The following MYO16 variants were observed in gnomAD, a reference collection of about 807,000 sequenced individuals.
The protein encoded by MYO16 is myosin XVI, also known as unconventional myosin-XVI.
A neutral mutation model predicts 205.3 loss-of-function variants in MYO16; 94 were observed. The ratio of observed to expected loss-of-function variants is 0.46; its 90% CI spans 0.39 to 0.54. The LOEUF is 0.54. Ranked by LOEUF, MYO16 falls within the 20% of genes least tolerant of loss-of-function variation. MYO16 has a pLI of 0.00. For synonymous variants in MYO16, 988 were observed against 954.0 expected (o/e 1.04, Z -0.66); for missense variants, 2,315 against 2,387.5 (o/e 0.97, Z 0.63).
At chr13:108,497,963 T>G in the MYO16 span, among the ~76,000 whole-genome samples, 1 of 152,212 alleles carries the variant, frequency 6.6e-6, no homozygotes, top group Admixed American at 6.5e-5. Context: ...ATCTGTTGGG[T>G]GAAGCCACAA....
intron 11 of MYO16, among the ~76,000 whole-genome samples, chr13:108,858,742 A>G (rs1046613120): frequency 6.6e-6 from 1 of 152,214 alleles, no homozygotes; most frequent in East Asian, 1.9e-4. Context: ...TGCACATTGC[A>G]TTATGACACT....
intron 2 of MYO16, among the ~76,000 whole-genome samples, chr13:108,668,606 C>T (rs915559669): frequency 2.0e-5 from 3 of 152,218 alleles, no homozygotes; most frequent in African/African-American, 7.2e-5. Context: ...GAGCCCCCTC[C>T]TCCGTCTCCA....
chr13:109,140,953 G>T lies in MYO16; in HGVS notation c.4741G>T (p.Ala1581Ser). The change falls in exon 32 of 35, where the codon GCG becomes TCG. Residue 1581 changes from alanine (A) to serine (S), a missense_variant. Physicochemically the swap from Ala to Ser is moderately conservative, Grantham distance 99 (BLOSUM62 1). Transcript: ENST00000457511. This position sits in a 1 kb window ranked among gnomAD's most constrained non-coding sequence, Gnocchi z 8.0. ...DGDRPASPGL[A>S]LFNGSGRASP... ...CGACAGGCCCGCGTCCCCCGGCCTG[G>T]CGCTGTTCAACGGGTCCGGCCGAGC... 1 of 1,522,146 alleles carries T rather than the reference G, an allele frequency of 6.6e-7. No homozygotes were observed. Among genetic ancestry groups the T allele is most frequent in the Non-Finnish European group, 8.8e-7 (1 of 1,136,158 alleles). 94.3% of individuals were successfully genotyped at this position (1,522,146 alleles called of 1,614,324 possible). A position where few individuals can be genotyped will look rare whatever the true frequency, so the allele number is the denominator to read the frequency against.
At chr13:108,496,316 C>A in the MYO16 span, among the ~76,000 whole-genome samples, 1 of 152,228 alleles carries the variant, frequency 6.6e-6, no homozygotes, top group Non-Finnish European at 1.5e-5. Context: ...ATGGGGGAAG[C>A]GGCGTGGTCA....
chr13:108,622,016 G>A (rs1362916766), intron 1 of MYO16, among the ~76,000 whole-genome samples: 1 of 152,006 alleles, frequency 6.6e-6, no homozygotes, highest in Non-Finnish European at 1.5e-5. Flanking sequence ...GTGGTTTCAG[G>A]CATCCACTGG....
intron 14 of MYO16, among the ~76,000 whole-genome samples, chr13:108,896,808 C>T (rs2139200450): frequency 6.6e-6 from 1 of 152,142 alleles, no homozygotes; most frequent in Middle Eastern, 3.4e-3. Flanking sequence ...GTCTCTACTA[C>T]TAAAACTACA....
intron 5 of MYO16, among the ~76,000 whole-genome samples, chr13:108,791,827 C>G (rs1485083866): frequency 6.6e-6 from 1 of 152,154 alleles, no homozygotes; most frequent in African/African-American, 2.4e-5. Flanking sequence ...ATAACTTTCG[C>G]AGAGTCAACC....
chr13:109,126,682 A>G (rs778065581), intron 30 of MYO16, among the ~76,000 whole-genome samples: 2 of 152,238 alleles, frequency 1.3e-5, no homozygotes, highest in Admixed American at 6.5e-5. Context: ...GGCACTGGAC[A>G]ACCATATGGA....
chr13:109,069,439 G>A (rs1051555623), intron 27 of MYO16, among the ~76,000 whole-genome samples: 1 of 152,118 alleles, frequency 6.6e-6, no homozygotes, highest in African/African-American at 2.4e-5. Context: ...GTCAATCATT[G>A]TATTAGCCTG....
intron 5 of MYO16, among the ~76,000 whole-genome samples, chr13:108,792,190 C>T (rs529372702): frequency 1.5e-4 from 23 of 152,180 alleles, no homozygotes; most frequent in Non-Finnish European, 2.8e-4. Flanking sequence ...TAGACCTGAG[C>T]CTTCTGTGCA....
chr13:109,022,292 A>G (rs866766145), intron 23 of MYO16, among the ~76,000 whole-genome samples: 1 of 22,692 alleles, frequency 4.4e-5, no homozygotes, highest in African/African-American at 2.3e-4. Context: ...TACAAATATA[A>G]TATACAAATA....
At chr13:108,935,465 A>G (rs1245695452) in intron 16 of MYO16, among the ~76,000 whole-genome samples, 1 of 152,160 alleles carries the variant, frequency 6.6e-6, no homozygotes, top group African/African-American at 2.4e-5. Flanking sequence ...CATAACTTTC[A>G]TATCCTGAAA....
the MYO16 span, among the ~76,000 whole-genome samples, chr13:108,583,189 T>C: frequency 1.3e-5 from 2 of 152,212 alleles, no homozygotes; most frequent in East Asian, 1.9e-4. Context: ...AAAAATCAGC[T>C]ATGTAGAATT....
At chr13:109,073,109 T>TTTC (rs1764611613) in intron 27 of MYO16, among the ~76,000 whole-genome samples, 1 of 28,164 alleles carries the variant, frequency 3.6e-5, no homozygotes. Context: ...ATGGAATATC[T>TTTC]TTTTTTTTTT....
At chr13:108,865,808 A>G (rs1041390410) in intron 11 of MYO16, among the ~76,000 whole-genome samples, 1 of 152,098 alleles carries the variant, frequency 6.6e-6, no homozygotes. Context: ...CTGTAGCAGA[A>G]TAACAGAATT....
intron 21 of MYO16, among the ~76,000 whole-genome samples, chr13:108,997,292 G>T (rs1885035106): frequency 4.1e-4 from 2 of 4,906 alleles, no homozygotes; most frequent in Non-Finnish European, 1.4e-3. Flanking sequence ...AGACCATGCA[G>T]AAAGAAAGAA....
chr13:108,650,573 G>A (rs1466916370), intron 1 of MYO16, among the ~76,000 whole-genome samples: 1 of 152,128 alleles, frequency 6.6e-6, no homozygotes, highest in African/African-American at 2.4e-5. Context: ...ACATTTGAGG[G>A]TTCAAAAATG....
intron 7 of MYO16, among the ~76,000 whole-genome samples, chr13:108,811,580 C>A (rs1216640328): frequency 6.6e-6 from 1 of 151,508 alleles, no homozygotes; most frequent in African/African-American, 2.4e-5. Flanking sequence ...TCTTTCCCAT[C>A]CCCATCTGTT....
intron 3 of MYO16, among the ~76,000 whole-genome samples, chr13:108,721,754 T>G (rs1884172185): frequency 6.6e-6 from 1 of 151,926 alleles, no homozygotes; most frequent in Non-Finnish European, 1.5e-5. Context: ...TGTGGAAGAA[T>G]AAGTTTCCCT....
Sources: gnomAD v4.1 joint callset for allele counts (sites outside exome capture counted in the v4.1 genomes callset) on GRCh38, gnomAD v4.1.1 for gene constraint, Gnocchi (gnomAD v3.1) non-coding constraint, MANE v1.5 for transcripts, NCBI Gene and HGNC (gene_info 2026-07-23, HGNC 2026-07-21) for gene names.